The following TNFAIP6 variants were observed in gnomAD, a reference collection of about 807,000 sequenced individuals.
TNFAIP6 encodes tumor necrosis factor-inducible gene 6 protein.
TNFAIP6 carries 36 observed loss-of-function variants against 33.7 expected under a neutral mutation model. The observed-to-expected ratio is 1.07, with a 90% CI of 0.82 to 1.41. The LOEUF is 1.41. Among genes scored for constraint, TNFAIP6 ranks in the 40% most tolerant of loss-of-function variants. The pLI is 0.00. For missense variants in TNFAIP6, 273 were observed against 331.9 expected (o/e 0.82, Z 1.38); for synonymous variants, 113 against 112.8 (o/e 1.00, Z -0.01).
chr2:151,367,911 A>G (rs531672619), intron 3 of TNFAIP6, among the ~76,000 whole-genome samples: 3 of 152,290 alleles, frequency 2.0e-5, no homozygotes, highest in East Asian at 1.9e-4. Context: ...TGATTAATCA[A>G]TGTCACCAAG....
intron 5 of TNFAIP6, among the ~76,000 whole-genome samples, chr2:151,376,860 C>CTT (rs1256047816): frequency 8.8e-6 from 1 of 113,362 alleles, no homozygotes; most frequent in Non-Finnish European, 1.8e-5. Context: ...ATTTCTTTTT[C>CTT]TTTTCTTTTT....
chr2:151,377,310 C>T (rs1482472444), intron 5 of TNFAIP6, among the ~76,000 whole-genome samples: 1 of 152,086 alleles, frequency 6.6e-6, no homozygotes, highest in East Asian at 1.9e-4. Flanking sequence ...GCTGGGACTA[C>T]AGGCACCCGC....
At chr2:151,358,715 T>C (rs1684575555) in intron 1 of TNFAIP6, among the ~76,000 whole-genome samples, 1 of 152,236 alleles carries the variant, frequency 6.6e-6, no homozygotes, top group African/African-American at 2.4e-5. Flanking sequence ...TGTTTCTCTC[T>C]GGTAATAACT....
At chr2:151,361,955 C>G (rs1684630830) in intron 1 of TNFAIP6, among the ~76,000 whole-genome samples, 1 of 152,162 alleles carries the variant, frequency 6.6e-6, no homozygotes, top group Non-Finnish European at 1.5e-5. Context: ...AGCACCCTCT[C>G]TTATTGAGCT....
chr2:151,358,522 A>C (rs1684572633), intron 1 of TNFAIP6, among the ~76,000 whole-genome samples: 1 of 152,208 alleles, frequency 6.6e-6, no homozygotes, highest in South Asian at 2.1e-4. Context: ...AATTCTCATG[A>C]TACAAATTGA....
At chr2:151,380,776 G>T (rs142533050), downstream of TNFAIP6, among the ~76,000 whole-genome samples, 1 of 152,158 alleles carries the variant, frequency 6.6e-6, no homozygotes. Flanking sequence ...TTCTTGGAAG[G>T]TCAGATAAAC....
chr2:151,369,997 C>T (rs752391193), intron 3 of TNFAIP6, 23 bp from the exon 4 acceptor site: 43 of 1,554,950 alleles, frequency 2.8e-5, no homozygotes, highest in East Asian at 4.5e-5. Context: ...GGGGTTTTTA[C>T]GTTTTTTTTC....
At chr2:151,358,624 T>G (rs1323010225) in intron 1 of TNFAIP6, among the ~76,000 whole-genome samples, 1 of 152,202 alleles carries the variant, frequency 6.6e-6, no homozygotes, top group East Asian at 1.9e-4. Flanking sequence ...AATAAAGAAA[T>G]AAAGAGAAGG....
chr2:151,375,505 G>A (rs548245494), intron 5 of TNFAIP6, among the ~76,000 whole-genome samples: 11 of 152,068 alleles, frequency 7.2e-5, no homozygotes, highest in Admixed American at 2.0e-4. Context: ...TCAAGAGATC[G>A]AGACCATCCT....
At chr2:151,376,825 A>T (rs1356357302) in intron 5 of TNFAIP6, among the ~76,000 whole-genome samples, 1 of 151,078 alleles carries the variant, frequency 6.6e-6, no homozygotes. Flanking sequence ...TTAAAAAAAA[A>T]TAGATTCCTA....
chr2:151,358,927 AT>A (rs959240964), intron 1 of TNFAIP6, among the ~76,000 whole-genome samples: 2 of 152,050 alleles, frequency 1.3e-5, no homozygotes, highest in African/African-American at 2.4e-5. Flanking sequence ...ATTTGTCAGG[AT>A]TTTTTTTAAA....
At chr2:151,369,854 A>G (rs1488109313) in intron 3 of TNFAIP6, among the ~76,000 whole-genome samples, 166 bp from the exon 4 acceptor site, 1 of 152,192 alleles carries the variant, frequency 6.6e-6, no homozygotes, top group Non-Finnish European at 1.5e-5. Context: ...GAAAAAATAC[A>G]TTTATTCTTT....
chr2:151,357,799 C>A, intron 1 of TNFAIP6, 39 bp downstream of exon 1: 1 of 1,272,680 alleles, frequency 7.9e-7, no homozygotes, highest in South Asian at 1.2e-5. Context: ...TTGAGAATGT[C>A]AATTCTTTAA....
At chr2:151,368,928 C>T (rs1226100816) in intron 3 of TNFAIP6, among the ~76,000 whole-genome samples, 1 of 152,168 alleles carries the variant, frequency 6.6e-6, no homozygotes, top group Non-Finnish European at 1.5e-5. Flanking sequence ...TGCCATGGCT[C>T]ACACCTATAA....
At chr2:151,373,043 T>C (rs566140815) in intron 4 of TNFAIP6, among the ~76,000 whole-genome samples, 4 of 152,172 alleles carry the variant, frequency 2.6e-5, no homozygotes, top group African/African-American at 9.6e-5. Flanking sequence ...ATTGGCTGGG[T>C]GCGGTGGCTC....
At chr2:151,359,699 T>A in intron 1 of TNFAIP6, among the ~76,000 whole-genome samples, 1 of 152,160 alleles carries the variant, frequency 6.6e-6, no homozygotes, top group Non-Finnish European at 1.5e-5. Context: ...AGGGAACTCA[T>A]AATGTTTTAA....
chr2:151,360,143 A>C (rs952701630), intron 1 of TNFAIP6, among the ~76,000 whole-genome samples: 6 of 152,058 alleles, frequency 3.9e-5, no homozygotes, highest in African/African-American at 1.4e-4. Flanking sequence ...ACCAAAAAAA[A>C]CACAATTAAC....
downstream of TNFAIP6, among the ~76,000 whole-genome samples, chr2:151,380,538 A>T (rs1023296705): frequency 1.3e-5 from 2 of 152,242 alleles, no homozygotes; most frequent in Non-Finnish European, 2.9e-5. Context: ...TTCTAGAATC[A>T]GGCACCTCAT....
At chr2:151,373,459 A>G (rs1462940804) in intron 4 of TNFAIP6, 90 bp from the exon 5 acceptor site, 35 of 616,478 alleles carry the variant, frequency 5.7e-5, no homozygotes, top group Non-Finnish European at 8.4e-5. Flanking sequence ...ATGAGCTATT[A>G]CTTAGAGGCT....
Sources: gnomAD v4.1 joint callset for allele counts (sites outside exome capture counted in the v4.1 genomes callset) on GRCh38, gnomAD v4.1.1 for gene constraint, MANE v1.5 for transcripts, NCBI Gene and HGNC (gene_info 2026-07-23, HGNC 2026-07-21) for gene names.